AGTPBP1: variants seen among roughly 807,000 people sequenced by gnomAD.
The protein encoded by AGTPBP1 is ATP/GTP binding carboxypeptidase 1.
A neutral mutation model predicts 143.9 loss-of-function variants in AGTPBP1; 70 were observed. The ratio of observed to expected loss-of-function variants is 0.49; its 90% CI spans 0.40 to 0.59. The LOEUF (loss-of-function observed/expected upper bound fraction) is 0.59. Among genes scored for constraint, AGTPBP1 ranks in the 20% least tolerant of loss-of-function variants. The probability of loss-of-function intolerance (pLI) is 0.00; values close to 1 mark genes in which losing one functional copy is unlikely to be tolerated. For synonymous variants in AGTPBP1, 463 were observed against 500.2 expected, an observed-to-expected ratio of 0.93 and a Z score of 0.99; for missense variants, 1,229 against 1,464.5, an observed-to-expected ratio of 0.84 and a Z score of 2.62.
Position 85,669,608 on chromosome 9 carries a change from A to T in AGTPBP1, c.569-30T>A, listed in dbSNP as rs1384646675. 3 of 1,532,802 alleles carry T rather than the reference A, an allele frequency of 2.0e-6. No individual in the cohort carries two copies. The South Asian group carries it at 3.4e-5, about 17-fold the overall frequency. 95.0% of individuals were successfully genotyped at this position (1,532,802 alleles called of 1,614,324 possible). On this transcript the variant is annotated intron_variant, in intron 7 of 25. Coordinates refer to ENST00000357081, the MANE Select transcript of AGTPBP1 (RefSeq NM_001330701.2). Reference sequence around the variant, plus strand: ...GAGGGGGAGAAAGAGATGCAAAATTATTTTAAGGTTTGACAACCAAAAATG... The same window carrying T: ...GAGGGGGAGAAAGAGATGCAAAATTTTTTTAAGGTTTGACAACCAAAAATG...
chr9:85,698,904 A>C (rs62569253), intron 2 of AGTPBP1, among the ~76,000 whole-genome samples: 2,529 of 151,782 alleles, frequency 0.017, 25 homozygotes, highest in Middle Eastern at 0.054. Flanking sequence ...TGTGTTAGCC[A>C]GGATGGTCTC....
intron 14 of AGTPBP1, among the ~76,000 whole-genome samples, 187 bp downstream of exon 14, chr9:85,632,474 TC>T (rs1241636945): frequency 6.6e-6 from 1 of 152,108 alleles, no homozygotes; most frequent in Non-Finnish European, 1.5e-5. Context: ...AGGAATAAGC[TC>T]AAGAAATAAA....
At chr9:85,741,367 T>TG in intron 1 of AGTPBP1, 1 of 984,718 alleles carries the variant, frequency 1.0e-6, no homozygotes, top group Middle Eastern at 5.2e-4. Flanking sequence ...AGAGCGGGGC[T>TG]GGGCGCGCCC....
the AGTPBP1 span, among the ~76,000 whole-genome samples, chr9:85,796,469 T>C: frequency 6.6e-6 from 1 of 152,120 alleles, no homozygotes; most frequent in Non-Finnish European, 1.5e-5. Context: ...TGCCTTCTTT[T>C]ACAGGAAATG....
At chr9:85,660,906 A>G (rs189969879) in intron 9 of AGTPBP1, 30 bp downstream of exon 9, 2 of 1,475,254 alleles carry the variant, frequency 1.4e-6, no homozygotes, top group Admixed American at 4.2e-5. Flanking sequence ...GAAAAATAGT[A>G]TCTAGTATTT....
chr9:85,804,134 A>C, the AGTPBP1 span, among the ~76,000 whole-genome samples: 2 of 151,794 alleles, frequency 1.3e-5, no homozygotes, highest in African/African-American at 4.9e-5. Context: ...GAAAAAAAAA[A>C]CCTTCCTTTT....
chr9:85,610,433 T>C (rs1428748363), intron 17 of AGTPBP1, among the ~76,000 whole-genome samples: 1 of 152,188 alleles, frequency 6.6e-6, no homozygotes, highest in East Asian at 1.9e-4. Context: ...ATAAATATTT[T>C]TAAACTGCTT....
chr9:85,677,345 C>T (rs1029108619), intron 6 of AGTPBP1, 91 bp downstream of exon 6: 100 of 1,173,804 alleles, frequency 8.5e-5, no homozygotes, highest in Non-Finnish European at 1.1e-4. Flanking sequence ...AAATAAATAA[C>T]ATTTTTAAAA....
At position 85,573,303 on chromosome 9, in the gene AGTPBP1, G is replaced by A. The variant is rs527313929; in HGVS notation, c.3503+2012C>T. On this transcript the variant is annotated intron_variant, in intron 25 of 25. Transcript: ENST00000357081. ...ATTTTTTTGGTGGAGACGGGGTTTC[G>A]CTGTGTTGGCCGGGCTGGTCTCCAG... Among the ~76,000 whole-genome samples, 58 of 152,276 alleles carry A rather than the reference G, an allele frequency of 3.8e-4. No individual in the cohort carries two copies. The South Asian group carries it at 4.8e-3, about 13-fold the overall frequency.
chr9:85,722,458 G>A (rs62570610), intron 1 of AGTPBP1, among the ~76,000 whole-genome samples: 18,027 of 152,020 alleles, frequency 0.12, 1,119 homozygotes, highest in Middle Eastern at 0.2. Context: ...CGACTTGATC[G>A]AATCAGCTAT....
chr9:85,689,945 T>TATATATATATATATATATATA (rs1486313965), intron 3 of AGTPBP1, among the ~76,000 whole-genome samples: 11 of 126,672 alleles, frequency 8.7e-5, no homozygotes, highest in African/African-American at 2.9e-4. Context: ...TATATATATA[T>TATATATATATATATATATATA]ATCTTAAAGT....
At chr9:85,561,739 A>G (rs1826741604) in intron 25 of AGTPBP1, among the ~76,000 whole-genome samples, 1 of 152,148 alleles carries the variant, frequency 6.6e-6, no homozygotes, top group African/African-American at 2.4e-5. Flanking sequence ...ATCTGAAAGT[A>G]TCTAACAACA....
At chr9:85,681,507 T>A (rs1413391682) in intron 3 of AGTPBP1, among the ~76,000 whole-genome samples, 172 bp from the exon 4 acceptor site, 1 of 152,158 alleles carries the variant, frequency 6.6e-6, no homozygotes, top group East Asian at 1.9e-4. Flanking sequence ...ATATGTGGAC[T>A]TCGAGATATC....
At chr9:85,671,077 G>C (rs1318020343) in intron 7 of AGTPBP1, among the ~76,000 whole-genome samples, 2 of 151,674 alleles carry the variant, frequency 1.3e-5, no homozygotes, top group African/African-American at 4.8e-5. Flanking sequence ...GAGTAGCTGA[G>C]ACTGCAGGCA....
At chr9:85,755,035 T>C in the AGTPBP1 span, among the ~76,000 whole-genome samples, 4 of 152,218 alleles carry the variant, frequency 2.6e-5, no homozygotes, top group African/African-American at 9.6e-5. Context: ...AGAGCTACTA[T>C]AATATTTTAG....
rs1034597341 is a variant in AGTPBP1, at chr9:85,659,669, G to A, written c.700+1267C>T. 7.2e-5 allele frequency among the ~76,000 whole-genome samples: 11 copies of A among 152,182 alleles called. No homozygotes were observed. The East Asian group carries it at 1.9e-3, about 27-fold the overall frequency. ...ATACTTGCAACTTATGAGAATTTTGGCTTTTACTAACTTAGAATTAGTGAC... is the reference window on the plus strand; with the variant it reads ...ATACTTGCAACTTATGAGAATTTTGACTTTTACTAACTTAGAATTAGTGAC... On this transcript the variant is annotated intron_variant, in intron 9 of 25. Coordinates refer to ENST00000357081, the MANE Select transcript of AGTPBP1 (RefSeq NM_001330701.2).
the AGTPBP1 span, among the ~76,000 whole-genome samples, chr9:85,776,122 TC>T: frequency 6.6e-6 from 1 of 152,030 alleles, no homozygotes; most frequent in Non-Finnish European, 1.5e-5. Context: ...AATGCACCAA[TC>T]CCCAACCCAA....
At chr9:85,793,903 T>C in the AGTPBP1 span, among the ~76,000 whole-genome samples, 1 of 152,156 alleles carries the variant, frequency 6.6e-6, no homozygotes, top group Non-Finnish European at 1.5e-5. Context: ...TATATGTAAA[T>C]GCTAAAATGT....
At chr9:85,549,367 C>A (rs183204927) in intron 25 of AGTPBP1, among the ~76,000 whole-genome samples, 1 of 152,098 alleles carries the variant, frequency 6.6e-6, no homozygotes, top group South Asian at 2.1e-4. Context: ...TGTTGGGTAG[C>A]TGGGCAGGGA....
Sources: allele counts gnomAD v4.1 joint callset (sites outside exome capture counted in the v4.1 genomes callset), GRCh38; gene constraint gnomAD v4.1.1; transcripts MANE v1.5; gene names NCBI Gene and HGNC (gene_info 2026-07-23, HGNC 2026-07-21).